The following EFNB2 variants were observed in gnomAD, a reference collection of about 807,000 sequenced individuals.
EFNB2 encodes ephrin B2, also known as ephrin-B2.
A neutral mutation model predicts 32.1 loss-of-function variants in EFNB2; 5 were observed. The observed-to-expected ratio is 0.16, with a 90% CI of 0.08 to 0.33. The LOEUF (loss-of-function observed/expected upper bound fraction) is 0.33, where lower values mean the gene tolerates loss of function less well. Among genes scored for constraint, EFNB2 ranks in the 10% least tolerant of loss-of-function variants. The pLI, the probability that EFNB2 is intolerant of heterozygous loss-of-function variation, is 1.00. For missense variants in EFNB2, 263 were observed against 422.6 expected (o/e 0.62, Z 3.31); for synonymous variants, 168 against 166.5 (o/e 1.01, Z -0.07).
intron 1 of EFNB2, chr13:106,520,202 G>A (rs549003554): frequency 6.6e-5 from 10 of 152,266 alleles, no homozygotes; most frequent in Admixed American, 1.3e-4. Context: ...AGTATACTTC[G>A]AATTTACCCC....
rs145098638 is a variant in EFNB2, at chr13:106,511,909, C to G, written c.406+620G>C. ...GGATACGTACCATCTCTTCTTGAAACAGCGTGTCAAATTATATATATGTAT... is the reference window on the plus strand; with the variant it reads ...GGATACGTACCATCTCTTCTTGAAAGAGCGTGTCAAATTATATATATGTAT... On this transcript the variant is annotated intron_variant, in intron 2 of 4. Coordinates refer to ENST00000646441, the MANE Select transcript of EFNB2 (RefSeq NM_004093.4). Among the ~76,000 whole-genome samples the G allele has an allele frequency of 3.7e-3, 564 of 152,266 alleles. 1 individual carries two copies. The highest frequency in any genetic ancestry group is 0.013 in the African/African-American group (538 of 41,536).
chr13:106,532,068 AAAAAAAAAACC>A (rs1324548520), intron 1 of EFNB2, among the ~76,000 whole-genome samples: 7 of 102,616 alleles, frequency 6.8e-5, no homozygotes, highest in South Asian at 3.5e-4. Flanking sequence ...AAAAAAAAAC[AAAAAAAAAACC>A]AAAACTTTAA....
In EFNB2 at chr13:106,493,339, A is replaced by T. The variant is rs117593693; in HGVS notation, c.703T>A (p.Cys235Ser). The change falls in exon 5 of 5, where the codon TGC (cysteine) becomes AGC (serine). Residue 235 changes from cysteine (C) to serine (S), a missense_variant. This residue lies in a region of EFNB2 where 172 missense variants were observed against 237.1 expected (regional missense o/e 0.73). Transcript: ENST00000646441. The surrounding 1 kb of genome is among the most constrained non-coding windows in gnomAD (Gnocchi z 6.1). ...VALFAGIASG[C>S]IIFIVIIITL... ...ATGATGATGACGATGAAGATGATGC[A>T]TCCTGAAGCAATCCCTGCAAATAAG... 1 of 1,614,204 alleles carries T rather than the reference A, an allele frequency of 6.2e-7. No individual in the cohort carries two copies. Among genetic ancestry groups the T allele is most frequent in the Non-Finnish European group, 8.5e-7 (1 of 1,180,044 alleles).
intron 2 of EFNB2, among the ~76,000 whole-genome samples, chr13:106,498,968 T>G (rs1041748122): frequency 6.6e-6 from 1 of 152,188 alleles, no homozygotes; most frequent in African/African-American, 2.4e-5. Context: ...TGGTTGCTTA[T>G]AAAGGGGCAT....
chr13:106,528,455 C>G (rs988629999), intron 1 of EFNB2, among the ~76,000 whole-genome samples: 1 of 147,710 alleles, frequency 6.8e-6, no homozygotes, highest in Admixed American at 6.8e-5. Flanking sequence ...TCTAGAAGGG[C>G]CCTATGCTGC....
chr13:106,507,956 G>A (rs934113080), intron 2 of EFNB2, among the ~76,000 whole-genome samples: 5 of 152,242 alleles, frequency 3.3e-5, no homozygotes, highest in Non-Finnish European at 7.3e-5. Flanking sequence ...CAGCTCTGCT[G>A]TAGCTACTGT....
In EFNB2 at chr13:106,495,766, G is replaced by C. The variant is rs1878570070; in HGVS notation, c.481C>G (p.Leu161Val). ...TCTTTACCTTGTCCAACTTTCATGA[G>C]GATCTTCATGGCTCTTGTCTGGCAC... ...GVCQTRAMKILMKVGQDASSA... is the reference protein window; with the variant it reads ...GVCQTRAMKIVMKVGQDASSA... Residue 161 changes from leucine to valine, a missense_variant, in exon 3 of 5, where the codon CTC becomes GTC. Physicochemically the swap from Leu to Val is conservative, Grantham distance 32. Around this residue, in one of 3 missense-constraint regions of EFNB2, gnomAD observed 172 missense variants for 237.1 expected, o/e 0.73. Transcript: ENST00000646441. 1.2e-6 allele frequency: 2 copies of C among 1,613,938 alleles called. No homozygotes were observed. The highest frequency in any genetic ancestry group is 2.2e-5 in the South Asian group (2 of 91,078).
intron 2 of EFNB2, among the ~76,000 whole-genome samples, chr13:106,512,304 G>GTTTTTTTTTTTTTTT (rs57001546): frequency 7.1e-6 from 1 of 140,350 alleles, no homozygotes. Context: ...GAATTCTAGT[G>GTTTTTTTTTTTTTTT]TTTTTTTTTC....
intron 1 of EFNB2, among the ~76,000 whole-genome samples, chr13:106,514,421 C>T (rs1879247177): frequency 6.6e-6 from 1 of 152,118 alleles, no homozygotes; most frequent in African/African-American, 2.4e-5. Context: ...ATGGACAAAA[C>T]ACAATTCAGT....
rs1878342246 is a variant in EFNB2 at position 106,489,916 on chromosome 13, T to C, written c.*3124A>G. On this transcript the variant is annotated 3_prime_UTR_variant, in exon 5 of 5. Transcript: ENST00000646441. ...AATAAAACAAAGAAAGAAAAAAATA[T>C]TTATAACTCAGGCATAATACTGTGT... is the stretch of plus-strand genomic sequence containing the variant. The C allele has an allele frequency of 1.3e-5, 2 of 152,570 alleles. No homozygotes were observed. Among genetic ancestry groups the C allele is most frequent in the South Asian group, 4.1e-4 (2 of 4,832 alleles). The allele number at this position is 152,570 out of a possible 1,614,324, so 9.5% of individuals were successfully genotyped here.
At chr13:106,514,509 C>T (rs1879251162) in intron 1 of EFNB2, among the ~76,000 whole-genome samples, 1 of 152,226 alleles carries the variant, frequency 6.6e-6, no homozygotes, top group Admixed American at 6.5e-5. Context: ...CCAACACACA[C>T]ACAGTAATTC....
intron 2 of EFNB2, among the ~76,000 whole-genome samples, chr13:106,510,683 C>CTG (rs1879113884): frequency 6.6e-6 from 1 of 151,056 alleles, no homozygotes; most frequent in African/African-American, 2.5e-5. Context: ...AATGTCATGC[C>CTG]TAACAGTAGC....
intron 2 of EFNB2, among the ~76,000 whole-genome samples, chr13:106,502,290 C>T (rs1878808323): frequency 6.6e-6 from 1 of 152,114 alleles, no homozygotes; most frequent in African/African-American, 2.4e-5. Context: ...TTTAGAACTC[C>T]CCTCCTCTTT....
In EFNB2 at chr13:106,493,147, C is replaced by G. The variant is rs770833245; in HGVS notation, c.895G>C (p.Val299Leu). ...IIIPLRTADSVFCPHYEKVSG... is the reference protein window; with the variant it reads ...IIIPLRTADSLFCPHYEKVSG... ...ACCTTCTCGTAGTGAGGGCAGAAGA[C>G]GCTGTCCGCAGTCCTTAGCGGGATG... Residue 299 changes from valine (V) to leucine (L), a missense_variant, in exon 5 of 5, where the codon GTC (valine) becomes CTC (leucine). This residue lies in a region of EFNB2 where 172 missense variants were observed against 237.1 expected (regional missense o/e 0.73). Transcript: ENST00000646441. The surrounding 1 kb of genome is among the most constrained non-coding windows in gnomAD (Gnocchi z 6.1). 6.2e-7 allele frequency: 1 copy of G among 1,614,090 alleles called. No homozygotes were observed. The highest frequency in any genetic ancestry group is 1.7e-5 in the Admixed American group (1 of 60,022).
At chr13:106,495,262 A>G (rs939254199) in intron 3 of EFNB2, among the ~76,000 whole-genome samples, 2 of 152,232 alleles carry the variant, frequency 1.3e-5, no homozygotes, top group African/African-American at 4.8e-5. Context: ...TTTCAATTTA[A>G]CTGAGCAAGT....
At chr13:106,528,213 T>C (rs1879762850) in intron 1 of EFNB2, among the ~76,000 whole-genome samples, 1 of 152,180 alleles carries the variant, frequency 6.6e-6, no homozygotes, top group South Asian at 2.1e-4. Context: ...GCACTGGATA[T>C]GGCCAGCCTA....
intron 2 of EFNB2, among the ~76,000 whole-genome samples, chr13:106,510,804 G>C (rs1176322818): frequency 6.6e-6 from 1 of 152,184 alleles, no homozygotes; most frequent in Non-Finnish European, 1.5e-5. Flanking sequence ...ACAAGGTCAA[G>C]AGATCCAGAT....
At position 106,494,924 on chromosome 13, in the gene EFNB2, A is replaced by G; in HGVS notation, c.570T>C (p.Asn190=). ...TRRPELEAGT[N]GRSSTTSPFV... Reference sequence around the variant, plus strand: ...AGGGACTTGTTGTCGAACTTCTTCCATTTGTACCAGCTTCTAGTTCTGGAC... The same window carrying G: ...AGGGACTTGTTGTCGAACTTCTTCCGTTTGTACCAGCTTCTAGTTCTGGAC... Residue 190 remains asparagine, a synonymous_variant, in exon 4 of 5, where the codon AAT becomes AAC. Coordinates refer to ENST00000646441, the MANE Select transcript of EFNB2 (RefSeq NM_004093.4). 6.2e-7 allele frequency: 1 copy of G among 1,614,178 alleles called. No homozygotes were observed. Among genetic ancestry groups the G allele is most frequent in the Non-Finnish European group, 8.5e-7 (1 of 1,180,006 alleles).
In EFNB2 at chr13:106,492,845, G is replaced by T; in HGVS notation, c.*195C>A. 1 of 669,794 alleles carries T rather than the reference G, an allele frequency of 1.5e-6. No homozygotes were observed. Among genetic ancestry groups the T allele is most frequent in the South Asian group, 2.2e-5 (1 of 45,452 alleles). 41.5% of individuals were successfully genotyped at this position (669,794 alleles called of 1,614,324 possible). Reference sequence around the variant, plus strand: ...CAGTCTTCCAGCTTCCAGGGAGCGTGTGTGTTCACCAAGGCCGAATGCTAC... The same window carrying T: ...CAGTCTTCCAGCTTCCAGGGAGCGTTTGTGTTCACCAAGGCCGAATGCTAC... On this transcript the variant is annotated 3_prime_UTR_variant, in exon 5 of 5. Transcript: ENST00000646441. The surrounding 1 kb of genome is among the most constrained non-coding windows in gnomAD (Gnocchi z 5.1).
Sources: allele counts gnomAD v4.1 joint callset (sites outside exome capture counted in the v4.1 genomes callset), GRCh38; gene constraint gnomAD v4.1.1; regional missense constraint gnomAD v4.1.1; non-coding constraint Gnocchi (gnomAD v3.1); transcripts MANE v1.5; gene names NCBI Gene and HGNC (gene_info 2026-07-23, HGNC 2026-07-21).